The following ZSWIM6 variants were observed in gnomAD, a reference collection of about 807,000 sequenced individuals.
ZSWIM6 encodes the protein zinc finger SWIM-type containing 6.
In ZSWIM6, 9 loss-of-function variants were observed where a neutral mutation model predicts 113.2. The observed-to-expected ratio is 0.08, with a 90% confidence interval of 0.05 to 0.14. The LOEUF is 0.14. ZSWIM6 is among the 10% of genes least tolerant of loss of function. The pLI, the probability that ZSWIM6 is intolerant of heterozygous loss-of-function variation, is 1.00. For missense variants in ZSWIM6, 1,162 were observed against 1,552.2 expected (o/e 0.75, Z 4.22); for synonymous variants, 611 against 606.5 (o/e 1.01, Z -0.11).
intron 1 of ZSWIM6, among the ~76,000 whole-genome samples, chr5:61,421,626 C>G (rs1746356943): frequency 6.6e-6 from 1 of 152,206 alleles, no homozygotes. Flanking sequence ...TTCTGCTCCT[C>G]TTTCTCCTCC....
intron 1 of ZSWIM6, among the ~76,000 whole-genome samples, chr5:61,353,230 C>T (rs902541516): frequency 3.9e-5 from 6 of 152,228 alleles, no homozygotes; most frequent in African/African-American, 1.4e-4. Flanking sequence ...ATTTGAAACA[C>T]ATTTATTTGC....
chr5:61,332,799 C>T lies in ZSWIM6; in HGVS notation c.527C>T (p.Ala176Val). Reference protein sequence around the residue: ...ATSAAAAAAAAAAAAAAAAGA... With the variant: ...ATSAAAAAAAVAAAAAAAAGA... ...TCGGCCGCCGCCGCCGCTGCCGCCG[C>T]CGCCGCCGCCGCCGCCGCCGCCGCG... The change falls in exon 1 of 14, where the codon GCC (alanine) becomes GTC (valine). Residue 176 changes from alanine (A) to valine (V), a missense_variant. Transcript: ENST00000252744. The T allele has an allele frequency of 1.1e-6, 1 of 887,384 alleles. No homozygotes were observed. Among genetic ancestry groups the T allele is most frequent in the Non-Finnish European group, 1.3e-6 (1 of 747,468 alleles). 55.0% of individuals were successfully genotyped at this position (887,384 alleles called of 1,614,324 possible).
At chr5:61,480,905 C>T (rs1747843021) in intron 2 of ZSWIM6, among the ~76,000 whole-genome samples, 8 of 152,160 alleles carry the variant, frequency 5.3e-5, no homozygotes, top group Admixed American at 3.3e-4. Context: ...AACACTAAAA[C>T]TGTAGGAGAT....
At chr5:61,359,845 A>G (rs577040290) in intron 1 of ZSWIM6, among the ~76,000 whole-genome samples, 1 of 152,312 alleles carries the variant, frequency 6.6e-6, no homozygotes, top group African/African-American at 2.4e-5. Flanking sequence ...ATGGAAAAAA[A>G]ACAAAACAAA....
intron 1 of ZSWIM6, among the ~76,000 whole-genome samples, chr5:61,461,731 A>G (rs1239273926): frequency 3.9e-5 from 6 of 152,162 alleles, no homozygotes; most frequent in African/African-American, 7.2e-5. Context: ...GAACAGTGAA[A>G]GCAGTTTTTT....
At position 61,336,139 on chromosome 5, in the gene ZSWIM6, C is replaced by T. The variant is rs534640339; in HGVS notation, c.676+3191C>T. 3.9e-5 allele frequency among the ~76,000 whole-genome samples: 6 copies of T among 152,238 alleles called. No individual in the cohort carries two copies. In the East Asian group the frequency reaches 1.2e-3, roughly 29 times the overall value. On this transcript the variant is annotated intron_variant, in intron 1 of 13. Transcript: ENST00000252744. ...CTTAGCCAGGCATGGTGGTACGCATCTGTGGTCCCAGCTACTTGGGAGGCT... is the reference window on the plus strand; with the variant it reads ...CTTAGCCAGGCATGGTGGTACGCATTTGTGGTCCCAGCTACTTGGGAGGCT...
intron 1 of ZSWIM6, among the ~76,000 whole-genome samples, chr5:61,426,173 A>G (rs1746458847): frequency 6.6e-6 from 1 of 152,230 alleles, no homozygotes. Flanking sequence ...TGATATTGTG[A>G]TGAAGTACTA....
chr5:61,346,456 A>T (rs1399372664), intron 1 of ZSWIM6, among the ~76,000 whole-genome samples: 1 of 152,222 alleles, frequency 6.6e-6, no homozygotes, highest in East Asian at 1.9e-4. Context: ...TGACCTATTG[A>T]TATCAATGTA....
At chr5:61,450,418 C>T (rs957314237) in intron 1 of ZSWIM6, among the ~76,000 whole-genome samples, 1 of 152,094 alleles carries the variant, frequency 6.6e-6, no homozygotes, top group Non-Finnish European at 1.5e-5. Context: ...GAATGCATTC[C>T]AGAGACTCTT....
At chr5:61,418,685 T>C (rs1746300589) in intron 1 of ZSWIM6, among the ~76,000 whole-genome samples, 1 of 152,232 alleles carries the variant, frequency 6.6e-6, no homozygotes, top group Non-Finnish European at 1.5e-5. Context: ...TGTGGTACTT[T>C]AAGGACAGAG....
intron 13 of ZSWIM6, among the ~76,000 whole-genome samples, chr5:61,542,272 C>G (rs955145250): frequency 2.0e-5 from 3 of 152,122 alleles, no homozygotes; most frequent in African/African-American, 7.2e-5. Flanking sequence ...CACTGTTTTT[C>G]TTCTTTATCA....
intron 1 of ZSWIM6, among the ~76,000 whole-genome samples, chr5:61,442,298 C>T (rs566379283): frequency 9.2e-5 from 14 of 152,192 alleles, no homozygotes; most frequent in South Asian, 8.3e-4. Flanking sequence ...AAACTGTAAA[C>T]GTCAGTTCTG....
intron 1 of ZSWIM6, among the ~76,000 whole-genome samples, chr5:61,359,555 A>G (rs1042481917): frequency 4.1e-4 from 62 of 152,116 alleles, no homozygotes; most frequent in African/African-American, 1.4e-3. Flanking sequence ...TAAAGAGGGA[A>G]CCCGCAGATT....
At chr5:61,378,409 C>T (rs534796936) in intron 1 of ZSWIM6, among the ~76,000 whole-genome samples, 13 of 152,090 alleles carry the variant, frequency 8.5e-5, no homozygotes, top group African/African-American at 1.7e-4. Flanking sequence ...GTTTTGCTGC[C>T]GTTTGAGGAG....
At chr5:61,351,444 T>C (rs1343649708) in intron 1 of ZSWIM6, among the ~76,000 whole-genome samples, 1 of 152,202 alleles carries the variant, frequency 6.6e-6, no homozygotes, top group Non-Finnish European at 1.5e-5. Context: ...TTATGTCATA[T>C]GACTGCACTA....
intron 1 of ZSWIM6, among the ~76,000 whole-genome samples, chr5:61,433,787 T>A (rs1158378172): frequency 1.3e-5 from 2 of 151,986 alleles, no homozygotes; most frequent in Non-Finnish European, 2.9e-5. Context: ...GACCTAGTTT[T>A]TTAAAAAGTA....
intron 1 of ZSWIM6, among the ~76,000 whole-genome samples, chr5:61,334,074 C>T (rs915706314): frequency 6.6e-6 from 1 of 152,214 alleles, no homozygotes; most frequent in Non-Finnish European, 1.5e-5. Context: ...AAAAGAGTCT[C>T]TTTCTTTTCA....
intron 1 of ZSWIM6, among the ~76,000 whole-genome samples, chr5:61,398,788 A>C (rs1051251293): frequency 6.6e-6 from 1 of 152,130 alleles, no homozygotes; most frequent in Non-Finnish European, 1.5e-5. Context: ...CTGAGTTATG[A>C]AGCAAACTGA....
chr5:61,493,736 G>C (rs1748246363), intron 3 of ZSWIM6, among the ~76,000 whole-genome samples: 1 of 152,116 alleles, frequency 6.6e-6, no homozygotes, highest in Non-Finnish European at 1.5e-5. Flanking sequence ...ATACTAGGTA[G>C]GTTCAGATAC....
Sources: gnomAD v4.1 joint callset for allele counts (sites outside exome capture counted in the v4.1 genomes callset) on GRCh38, gnomAD v4.1.1 for gene constraint, MANE v1.5 for transcripts, NCBI Gene and HGNC (gene_info 2026-07-23, HGNC 2026-07-21) for gene names.